Variants in ADCY10 observed in about 807,000 individuals in gnomAD.
ADCY10 encodes adenylate cyclase 10.
Under a neutral mutation model 183.3 loss-of-function variants are expected in ADCY10, and 156 were observed. The observed-to-expected ratio is 0.85, with a 90% CI of 0.75 to 0.97. The LOEUF (loss-of-function observed/expected upper bound fraction) is 0.97. Ranked by LOEUF, ADCY10 falls within the 50% of genes least tolerant of loss-of-function variation. The probability of loss-of-function intolerance (pLI) is 0.00; values close to 1 mark genes in which losing one functional copy is unlikely to be tolerated. For missense variants in ADCY10, 1,745 were observed against 1,934.3 expected, an observed-to-expected ratio of 0.90 and a Z score of 1.84; for synonymous variants, 645 against 670.0, an observed-to-expected ratio of 0.96 and a Z score of 0.58.
At position 167,845,704 on chromosome 1, in the gene ADCY10, A is replaced by C. The variant is rs1463031587; in HGVS notation, c.2866T>G (p.Phe956Val). 1 of 1,614,248 alleles carries C rather than the reference A, an allele frequency of 6.2e-7. No homozygotes were observed. The highest frequency in any genetic ancestry group is 8.5e-7 in the Non-Finnish European group (1 of 1,180,046). Reference protein sequence around the residue: ...RKAMHLKCARFLEEDAHRCDH... With the variant: ...RKAMHLKCARVLEEDAHRCDH... ...CATCTGTGGGCATCTTCTTCTAAAAAGCGGGCACATTTCAAGTGCATGGCT... is the reference window on the plus strand; with the variant it reads ...CATCTGTGGGCATCTTCTTCTAAAACGCGGGCACATTTCAAGTGCATGGCT... Residue 956 changes from phenylalanine to valine, a missense_variant, in exon 21 of 33, where the codon TTT becomes GTT. Transcript: ENST00000367851.
intron 21 of ADCY10, among the ~76,000 whole-genome samples, chr1:167,841,155 T>G (rs1021337283): frequency 4.6e-5 from 7 of 152,140 alleles, no homozygotes; most frequent in African/African-American, 1.7e-4. Flanking sequence ...CTTCTCTGGT[T>G]TGTCTTGAAC....
At position 167,818,088 on chromosome 1, in the gene ADCY10, C is replaced by A; in HGVS notation, c.4466G>T (p.Gly1489Val). 1 of 1,614,180 alleles carries A rather than the reference C, an allele frequency of 6.2e-7. No homozygotes were observed. The highest frequency in any genetic ancestry group is 2.2e-5 in the East Asian group (1 of 44,876). The change falls in exon 31 of 33, where the codon GGG (glycine) becomes GTG (valine). Residue 1489 changes from glycine to valine, a missense_variant. Gly to Val is a moderately radical substitution (Grantham distance 109). Coordinates refer to ENST00000367851, the MANE Select transcript of ADCY10 (RefSeq NM_018417.6). ...KEQSENAQAS[G>V]EELLKNLENL... Reference sequence around the variant, plus strand: ...AGGCCTCACCTTGAGTAGCTCCTCCCCACTGGCTTGGGCATTCTCTGACTG... The same window carrying A: ...AGGCCTCACCTTGAGTAGCTCCTCCACACTGGCTTGGGCATTCTCTGACTG...
At position 167,902,029 on chromosome 1, in the gene ADCY10, G is replaced by A. The variant is rs201610699; in HGVS notation, c.279C>T (p.Ile93=). ...VEKVLIFGGD[I]LKFAGDALLA... Reference sequence around the variant, plus strand: ...AAGCCCCCATACCTGCAAATTTCAGGATGTCTCCTCCAAAAATCAACACTT... The same window carrying A: ...AAGCCCCCATACCTGCAAATTTCAGAATGTCTCCTCCAAAAATCAACACTT... The change falls in exon 4 of 33, where the codon ATC becomes ATT. Residue 93 remains isoleucine, a synonymous_variant. Transcript: ENST00000367851. The A allele has an allele frequency of 5.6e-6, 9 of 1,611,140 alleles. No homozygotes were observed. The African/African-American group carries it at 1.1e-4, about 19-fold the overall frequency.
At chr1:167,814,833 T>TA (rs35728510) in intron 31 of ADCY10, among the ~76,000 whole-genome samples, 6,849 of 151,310 alleles carry the variant, frequency 0.045, 226 homozygotes, top group Middle Eastern at 0.075. Context: ...TGGATCACAA[T>TA]AAAAAAAAAT....
At chr1:167,810,693 G>A (rs370924406) in intron 32 of ADCY10, 32 bp downstream of exon 32, 93 of 1,608,346 alleles carry the variant, frequency 5.8e-5, no homozygotes, top group East Asian at 3.8e-4. Flanking sequence ...GGTGAGCATC[G>A]CCACCCCGGT....
chr1:167,829,708 A>C lies in ADCY10; in HGVS notation c.3594-285T>G, dbSNP rs549971725. Reference sequence around the variant, plus strand: ...TGCTAAATGAAGCTATTTAAAAAGCACATTGATATTATTCATCACATTTGA... The same window carrying C: ...TGCTAAATGAAGCTATTTAAAAAGCCCATTGATATTATTCATCACATTTGA... On this transcript the variant is annotated intron_variant, in intron 25 of 32. Transcript: ENST00000367851. Among the ~76,000 whole-genome samples the C allele has an allele frequency of 5.4e-4, 82 of 152,378 alleles. 2 individuals are homozygous for C. Among genetic ancestry groups the C allele is most frequent in the South Asian group, 5.2e-3 (25 of 4,828 alleles).
At chr1:167,877,787 G>A (rs1024885096) in intron 12 of ADCY10, among the ~76,000 whole-genome samples, 5 of 152,310 alleles carry the variant, frequency 3.3e-5, no homozygotes, top group South Asian at 2.1e-4. Flanking sequence ...TGAATCCCTC[G>A]AGCTGGGTTT....
At chr1:167,856,627 C>A (rs1665921552) in intron 16 of ADCY10, among the ~76,000 whole-genome samples, 188 bp from the exon 17 acceptor site, 1 of 152,114 alleles carries the variant, frequency 6.6e-6, no homozygotes, top group Non-Finnish European at 1.5e-5. Flanking sequence ...GAATTTGTGG[C>A]TATTTGGACA....
intron 21 of ADCY10, 36 bp from the exon 22 acceptor site, chr1:167,837,354 A>G (rs748059310): frequency 6.5e-7 from 1 of 1,544,844 alleles, no homozygotes; most frequent in East Asian, 2.2e-5. Context: ...TGGGTCATTG[A>G]AATGTTCTCT....
chr1:167,872,156 T>C (rs1046081338), intron 13 of ADCY10, among the ~76,000 whole-genome samples: 2 of 151,952 alleles, frequency 1.3e-5, no homozygotes, highest in African/African-American at 2.4e-5. Context: ...AGCCTCAACA[T>C]GGAGAAACCC....
intron 12 of ADCY10, among the ~76,000 whole-genome samples, chr1:167,877,643 T>C (rs1047805447): frequency 6.6e-6 from 1 of 152,062 alleles, no homozygotes. Context: ...AAGTGAATAA[T>C]TGTGATATAG....
At chr1:167,840,317 T>C (rs1384944543) in intron 21 of ADCY10, among the ~76,000 whole-genome samples, 4 of 151,912 alleles carry the variant, frequency 2.6e-5, no homozygotes, top group Non-Finnish European at 4.4e-5. Flanking sequence ...TGAGGTATGC[T>C]CTTTGTCATT....
chr1:167,890,954 T>G (rs1281793674), intron 8 of ADCY10, among the ~76,000 whole-genome samples: 2 of 152,048 alleles, frequency 1.3e-5, no homozygotes, highest in South Asian at 2.1e-4. Flanking sequence ...CATTTATTTA[T>G]TTATTTAGTT....
intron 16 of ADCY10, among the ~76,000 whole-genome samples, chr1:167,857,650 C>G (rs922492849): frequency 6.6e-6 from 1 of 152,204 alleles, no homozygotes; most frequent in East Asian, 1.9e-4. Flanking sequence ...ATTATACTTA[C>G]TATGTTCCAA....
chr1:167,852,762 A>C (rs1482886221), intron 18 of ADCY10, among the ~76,000 whole-genome samples: 1 of 151,758 alleles, frequency 6.6e-6, no homozygotes, highest in East Asian at 2.0e-4. Flanking sequence ...AAAGCAAGCT[A>C]ATGTTTCTTG....
intron 12 of ADCY10, among the ~76,000 whole-genome samples, chr1:167,876,719 A>G (rs1667493043): frequency 6.6e-5 from 10 of 152,204 alleles, no homozygotes; most frequent in Admixed American, 5.2e-4. Flanking sequence ...GATTGCATTA[A>G]TGGCCCCAGT....
At position 167,893,770 on chromosome 1, in the gene ADCY10, G is replaced by GT. The variant is rs113505249; in HGVS notation, c.828+82dup. 43,040 of 649,310 alleles carry GT rather than the reference G, an allele frequency of 0.066. 44 individuals carry two copies. The highest frequency in any genetic ancestry group is 0.078 in the South Asian group (3,301 of 42,060). 40.2% of individuals were successfully genotyped at this position (649,310 alleles called of 1,614,324 possible). ...ATTTTACTATTTACTAGTAGCTGCT[G>GT]TTTTTTTTTTCTTAAATCTTAAAAT... On this transcript the variant is annotated intron_variant, in intron 8 of 32. Transcript: ENST00000367851.
In ADCY10 at chr1:167,851,036, C is replaced by T. The variant is rs559070776; in HGVS notation, c.2309-2547G>A. 2.4e-3 allele frequency among the ~76,000 whole-genome samples: 360 copies of T among 152,304 alleles called. 4 individuals are homozygous for T. Among genetic ancestry groups the T allele is most frequent in the African/African-American group, 8.4e-3 (348 of 41,568 alleles). ...CTCCCTACTCAGGTTCGCCTGTTGT[C>T]AGCCTTTGCCCTATTTACTATATCC... On this transcript the variant is annotated intron_variant, in intron 18 of 32. Coordinates refer to ENST00000367851, the MANE Select transcript of ADCY10 (RefSeq NM_018417.6).
chr1:167,854,426 T>C lies in ADCY10; in HGVS notation c.2235A>G (p.Glu745=), dbSNP rs371670592. The change falls in exon 18 of 33, where the codon GAA becomes GAG. Residue 745 remains glutamate (E), a synonymous_variant. Coordinates refer to ENST00000367851, the MANE Select transcript of ADCY10 (RefSeq NM_018417.6). The part of the protein sequence containing the change: ...FYCEELLKNL[E]HHEVLVFQQT... The stretch of plus-strand genomic sequence containing the variant: ...GTTGGAAAACGAGTACCTCATGATG[T>C]TCCAGGTTTTTAAGCAATTCTTCAC... 3.1e-6 allele frequency: 5 copies of C among 1,614,024 alleles called. No homozygotes were observed. The highest frequency in any genetic ancestry group is 1.7e-5 in the Admixed American group (1 of 60,010).
Sources: allele counts gnomAD v4.1 joint callset (sites outside exome capture counted in the v4.1 genomes callset), GRCh38; gene constraint gnomAD v4.1.1; transcripts MANE v1.5; gene names NCBI Gene and HGNC (gene_info 2026-07-23, HGNC 2026-07-21).